The following ANK1 variants were observed in gnomAD, a reference collection of about 807,000 sequenced individuals.
ANK1 encodes ankyrin 1.
ANK1 carries 51 observed loss-of-function variants against 210.4 expected under a neutral mutation model. That is an observed-to-expected ratio of 0.24 (90% CI 0.19 to 0.31). The LOEUF (loss-of-function observed/expected upper bound fraction) is 0.31, where lower values mean the gene tolerates loss of function less well. Ranked by LOEUF, ANK1 falls within the 10% of genes least tolerant of loss-of-function variation. The pLI, the probability that ANK1 is intolerant of heterozygous loss-of-function variation, is 1.00. For synonymous variants in ANK1, 967 were observed against 1,025.9 expected (o/e 0.94, Z 1.10); for missense variants, 2,051 against 2,504.4 (o/e 0.82, Z 3.86).
intron 38 of ANK1, among the ~76,000 whole-genome samples, chr8:41,670,079 GTCC>G (rs1003200513): frequency 6.6e-6 from 1 of 151,756 alleles, no homozygotes; most frequent in Non-Finnish European, 1.5e-5. Flanking sequence ...CCTACCTCCT[GTCC>G]TCCTTCTCTG....
At chr8:41,687,878 C>G (rs368166982) in intron 35 of ANK1, among the ~76,000 whole-genome samples, 1 of 152,222 alleles carries the variant, frequency 6.6e-6, no homozygotes, top group South Asian at 2.1e-4. Context: ...TATGTTGAGA[C>G]TTGCCCTTTC....
chr8:41,672,221 T>C (rs913967876), intron 38 of ANK1, 133 bp downstream of exon 38: 54 of 955,992 alleles, frequency 5.6e-5, no homozygotes, highest in Non-Finnish European at 9.2e-6. Flanking sequence ...CCAGACTGAA[T>C]GTATGTGCTC....
At chr8:41,773,143 A>G (rs1373121550) in intron 1 of ANK1, among the ~76,000 whole-genome samples, 1 of 152,086 alleles carries the variant, frequency 6.6e-6, no homozygotes, top group Non-Finnish European at 1.5e-5. Context: ...TTGTTTTTCT[A>G]TTTAACTTTG....
chr8:41,844,609 G>A (rs913459608), intron 1 of ANK1, among the ~76,000 whole-genome samples: 1 of 152,308 alleles, frequency 6.6e-6, no homozygotes, highest in East Asian at 1.9e-4. Context: ...TCTCTAACAC[G>A]ATCTCGGGCA....
Position 41,694,614 on chromosome 8 carries a change from T to C in ANK1, c.3305A>G (p.Lys1102Arg), listed in dbSNP as rs1168623265. 3.7e-6 allele frequency: 6 copies of C among 1,613,632 alleles called. No homozygotes were observed. In the African/African-American group the frequency reaches 5.3e-5, roughly 14 times the overall value. Reference protein sequence around the residue: ...QATFPENAVTKRVKLALQAQP... With the variant: ...QATFPENAVTRRVKLALQAQP... ...CACCTGCAGAGCCAGCTTCACTCTC[T>C]TGGTGACGGCATTCTCCGGGAACGT... Residue 1102 changes from lysine to arginine, a missense_variant, in exon 28 of 43, where the codon AAG becomes AGG. By Grantham distance (26) the Lys-to-Arg change is conservative (BLOSUM62 2). Transcript: ENST00000289734. This position sits in a 1 kb window ranked among gnomAD's most constrained non-coding sequence, Gnocchi z 5.7.
Position 41,727,298 on chromosome 8 carries a change from C to G in ANK1, c.378G>C (p.Val126=), listed in dbSNP as rs1830957510. ...CTCCATTTTCCAGTAAAAACTTAAC[C>G]ACTTCCAAGTGGTTCTCTTGTGCTG... ...YMAAQENHLE[V]VKFLLENGAN... The change falls in exon 5 of 43, where the codon GTG becomes GTC. Residue 126 remains valine (V), a synonymous_variant. Coordinates refer to ENST00000289734, the MANE Select transcript of ANK1 (RefSeq NM_000037.4). 6.2e-7 allele frequency: 1 copy of G among 1,614,174 alleles called. No homozygotes were observed. Among genetic ancestry groups the G allele is most frequent in the South Asian group, 1.1e-5 (1 of 91,084 alleles).
chr8:41,680,965 T>C (rs1815796495), intron 37 of ANK1, among the ~76,000 whole-genome samples: 1 of 152,298 alleles, frequency 6.6e-6, no homozygotes, highest in South Asian at 2.1e-4. Context: ...AGGCCTCCTC[T>C]TGGGGCTACA....
At chr8:41,714,355 C>G in intron 15 of ANK1, 101 bp from the exon 16 acceptor site, 1 of 906,600 alleles carries the variant, frequency 1.1e-6, no homozygotes, top group Non-Finnish European at 1.6e-6. Context: ...CAGTAAAATC[C>G]TGTTTAAAAT....
rs1805102620 is a variant in ANK1, at chr8:41,654,638, C to A, written c.*1152G>T. On this transcript the variant is annotated 3_prime_UTR_variant, in exon 43 of 43. Transcript: ENST00000289734. Reference sequence around the variant, plus strand: ...AGACAGGCCACAGCTCCTTCTCCTGCAGCCGCAGAAGTCCTCAGGAGCTGC... The same window carrying A: ...AGACAGGCCACAGCTCCTTCTCCTGAAGCCGCAGAAGTCCTCAGGAGCTGC... 6.5e-6 allele frequency: 1 copy of A among 152,730 alleles called. No individual in the cohort carries two copies. Among genetic ancestry groups the A allele is most frequent in the African/African-American group, 2.4e-5 (1 of 41,468 alleles). 9.5% of individuals were successfully genotyped at this position (152,730 alleles called of 1,614,324 possible).
chr8:41,676,151 GTTTAAC>G (rs1434588622), intron 37 of ANK1, among the ~76,000 whole-genome samples: 1 of 152,212 alleles, frequency 6.6e-6, no homozygotes, highest in Non-Finnish European at 1.5e-5. Context: ...GTAGGTATAT[GTTTAAC>G]TTTGTCAGAA....
At chr8:41,778,834 G>T (rs543020582) in intron 1 of ANK1, among the ~76,000 whole-genome samples, 2 of 152,338 alleles carry the variant, frequency 1.3e-5, no homozygotes, top group Admixed American at 1.3e-4. Flanking sequence ...GTGTGTGCCT[G>T]TGGAGGGGTC....
At chr8:41,840,681 T>C (rs1299838083) in intron 1 of ANK1, among the ~76,000 whole-genome samples, 1 of 152,224 alleles carries the variant, frequency 6.6e-6, no homozygotes. Flanking sequence ...TCTACCCTCA[T>C]GGCTCAATTA....
At chr8:41,742,426 C>G (rs1467471879) in intron 2 of ANK1, among the ~76,000 whole-genome samples, 1 of 152,174 alleles carries the variant, frequency 6.6e-6, no homozygotes, top group East Asian at 1.9e-4. Flanking sequence ...CCTTTCCACG[C>G]AGCTGTTTAT....
intron 37 of ANK1, among the ~76,000 whole-genome samples, chr8:41,677,841 C>T (rs891051287): frequency 8.6e-5 from 13 of 152,042 alleles, no homozygotes; most frequent in Non-Finnish European, 1.5e-4. Flanking sequence ...CCACCCACCT[C>T]GACCTCCCAA....
intron 1 of ANK1, among the ~76,000 whole-genome samples, chr8:41,773,867 C>T (rs1213787841): frequency 1.3e-5 from 2 of 152,144 alleles, no homozygotes; most frequent in Non-Finnish European, 2.9e-5. Context: ...GGAGTGGACC[C>T]AAGTGGCAAG....
intron 2 of ANK1, among the ~76,000 whole-genome samples, chr8:41,750,282 T>TC (rs1229121139): frequency 6.6e-6 from 1 of 152,198 alleles, no homozygotes; most frequent in Admixed American, 6.5e-5. Context: ...TGGCATGGTT[T>TC]CACGTGCTTT....
At chr8:41,861,431 G>A (rs1813257069) in intron 1 of ANK1, among the ~76,000 whole-genome samples, 1 of 152,226 alleles carries the variant, frequency 6.6e-6, no homozygotes, top group Admixed American at 6.5e-5. Context: ...GAAAGGGCCT[G>A]CGTGAAATTA....
At chr8:41,755,836 G>A (rs2150709516) in intron 2 of ANK1, among the ~76,000 whole-genome samples, 1 of 152,350 alleles carries the variant, frequency 6.6e-6, no homozygotes, top group South Asian at 2.1e-4. Context: ...CCTCTGGGCT[G>A]TGGATATGTG....
intron 1 of ANK1, among the ~76,000 whole-genome samples, chr8:41,851,426 G>A (rs1587419740): frequency 6.6e-6 from 1 of 152,362 alleles, no homozygotes; most frequent in East Asian, 1.9e-4. Flanking sequence ...GAGGCCAAAT[G>A]CCTAGCTCCG....
Sources: allele counts gnomAD v4.1 joint callset (sites outside exome capture counted in the v4.1 genomes callset), GRCh38; gene constraint gnomAD v4.1.1; non-coding constraint Gnocchi (gnomAD v3.1); transcripts MANE v1.5; gene names NCBI Gene and HGNC (gene_info 2026-07-23, HGNC 2026-07-21).